Variants in NAV1 observed in about 807,000 individuals in gnomAD.
NAV1 encodes the protein neuron navigator 1.
In NAV1, 18 loss-of-function variants were observed where a neutral mutation model predicts 175.2. The observed-to-expected ratio is 0.10, with a 90% confidence interval of 0.07 to 0.15. NAV1 has a LOEUF of 0.15. Ranked by LOEUF, NAV1 falls within the 10% of genes least tolerant of loss-of-function variation. NAV1 has a pLI of 1.00. For missense variants in NAV1, 1,731 were observed against 2,436.6 expected, an observed-to-expected ratio of 0.71 and a Z score of 6.10; for synonymous variants, 897 against 978.7, an observed-to-expected ratio of 0.92 and a Z score of 1.56.
intron 3 of NAV1, among the ~76,000 whole-genome samples, chr1:201,734,585 A>G (rs1388541570): frequency 6.6e-6 from 1 of 151,794 alleles, no homozygotes; most frequent in African/African-American, 2.4e-5. Context: ...TGTGTTTCCC[A>G]GAGATTTGGG....
At chr1:201,692,563 C>T (rs1255934475) in intron 1 of NAV1, among the ~76,000 whole-genome samples, 1 of 152,150 alleles carries the variant, frequency 6.6e-6, no homozygotes, top group East Asian at 1.9e-4. Flanking sequence ...CCATTAAAAG[C>T]ATTTATGGTG....
chr1:201,735,937 C>T (rs1673097674), intron 3 of NAV1, among the ~76,000 whole-genome samples: 1 of 152,132 alleles, frequency 6.6e-6, no homozygotes, highest in African/African-American at 2.4e-5. Flanking sequence ...AGTCCCTCTC[C>T]CAATTCCTTT....
At chr1:201,599,509 T>A (rs72739958) in intron 2 of NAV1, among the ~76,000 whole-genome samples, 398 of 152,282 alleles carry the variant, frequency 2.6e-3, no homozygotes, top group Non-Finnish European at 4.6e-3. Flanking sequence ...TTTCATGAGG[T>A]CCTGACCCAC....
At chr1:201,708,643 T>G (rs1381162630) in intron 1 of NAV1, among the ~76,000 whole-genome samples, 2 of 152,170 alleles carry the variant, frequency 1.3e-5, no homozygotes, top group African/African-American at 4.8e-5. Flanking sequence ...TACCTTGTTC[T>G]AATTTGCACA....
intron 3 of NAV1, among the ~76,000 whole-genome samples, chr1:201,751,230 C>T (rs368326446): frequency 2.3e-4 from 35 of 152,150 alleles, no homozygotes; most frequent in African/African-American, 8.2e-4. Context: ...GGCATCTTGA[C>T]GAAAGCATGT....
At chr1:201,544,127 G>A (rs903138905) in intron 1 of NAV1, among the ~76,000 whole-genome samples, 3 of 152,144 alleles carry the variant, frequency 2.0e-5, no homozygotes, top group Non-Finnish European at 2.9e-5. Flanking sequence ...AGCACCACCT[G>A]GGGAGCTTTT....
chr1:201,818,347 T>C (rs1679190073), intron 29 of NAV1, among the ~76,000 whole-genome samples: 1 of 151,728 alleles, frequency 6.6e-6, no homozygotes. Context: ...GCCAACATGG[T>C]GAAACCCCGT....
chr1:201,629,751 C>T (rs112267223), intron 2 of NAV1, among the ~76,000 whole-genome samples: 148 of 152,290 alleles, frequency 9.7e-4, no homozygotes, highest in African/African-American at 3.4e-3. Flanking sequence ...ATGGGAGTCA[C>T]TGCATGTGTG....
exon 1 of NAV1, chr1:201,648,299 C>G: frequency 2.7e-6 from 3 of 1,115,740 alleles, no homozygotes; most frequent in Non-Finnish European, 3.3e-6. Context: ...GACACCAAAG[C>G]AAAAGCACCG....
rs1263906627 is a variant in NAV1 at position 201,684,500 on chromosome 1, G to A, written c.758-28317G>A. ...CTTTTTTTTTTTTTTTTTAGACAGAGTCTCACTCTTGTCGCCCAGGCTGGA... is the reference window on the plus strand; with the variant it reads ...CTTTTTTTTTTTTTTTTTAGACAGAATCTCACTCTTGTCGCCCAGGCTGGA... On this transcript the variant is annotated intron_variant, in intron 1 of 29. Coordinates refer to ENST00000367296, the Ensembl canonical transcript of NAV1. 2.3e-5 allele frequency among the ~76,000 whole-genome samples: 3 copies of A among 129,230 alleles called. No individual in the cohort carries two copies. In the East Asian group the frequency reaches 7.3e-4, roughly 31 times the overall value. The allele number at this position is 129,230 out of a possible 152,430, so 84.8% of individuals were successfully genotyped here. A position where few individuals can be genotyped will look rare whatever the true frequency, so the allele number is the denominator to read the frequency against.
At chr1:201,580,845 G>A (rs1316564343) in intron 1 of NAV1, among the ~76,000 whole-genome samples, 1 of 152,146 alleles carries the variant, frequency 6.6e-6, no homozygotes, top group African/African-American at 2.4e-5. Flanking sequence ...ACTTGGGATG[G>A]GGTTGGGGGA....
Position 201,713,896 on chromosome 1 carries a change from C to G in NAV1, c.860+977C>G, listed in dbSNP as rs189231158. 4.3e-3 allele frequency among the ~76,000 whole-genome samples: 659 copies of G among 152,312 alleles called. 6 individuals carry two copies. The highest frequency in any genetic ancestry group is 0.014 in the African/African-American group (597 of 41,568). ...GGGATTCTGAGGATGGGACCACACC[C>G]ATGGACATATTTACATACCACCAAT... On this transcript the variant is annotated intron_variant, in intron 2 of 29. Transcript: ENST00000367296.
At chr1:201,620,815 G>A (rs1017594222), upstream of NAV1, among the ~76,000 whole-genome samples, 6 of 152,120 alleles carry the variant, frequency 3.9e-5, no homozygotes, top group Admixed American at 2.0e-4. Flanking sequence ...AATTTTCTGC[G>A]ATATAGTACA....
chr1:201,742,606 C>T (rs557351515), intron 3 of NAV1, among the ~76,000 whole-genome samples: 3 of 152,262 alleles, frequency 2.0e-5, no homozygotes, highest in Non-Finnish European at 2.9e-5. Flanking sequence ...CCATTCAGCA[C>T]TCCTAGACTC....
In NAV1 at chr1:201,808,421, C is replaced by T. The variant is rs759280595; in HGVS notation, c.3849C>T (p.Gly1283=). Reference sequence around the variant, plus strand: ...CTTGACTCTTGCTATCTTACAGGGGCCCTGCTCACCCAGCCCCCCACACTA... The same window carrying T: ...CTTGACTCTTGCTATCTTACAGGGGTCCTGCTCACCCAGCCCCCCACACTA... The change falls in exon 19 of 30, where the codon GGC becomes GGT. Residue 1283 remains glycine, a synonymous_variant. Transcript: ENST00000367296. The surrounding 1 kb of genome is among the most constrained non-coding windows in gnomAD (Gnocchi z 5.5). 3.1e-6 allele frequency: 5 copies of T among 1,610,290 alleles called. No individual in the cohort carries two copies. The highest frequency in any genetic ancestry group is 1.1e-5 in the South Asian group (1 of 90,562).
intron 2 of NAV1, among the ~76,000 whole-genome samples, chr1:201,616,926 A>G (rs991369005): frequency 1.3e-5 from 2 of 152,218 alleles, no homozygotes; most frequent in African/African-American, 4.8e-5. Flanking sequence ...AGCACCTGGT[A>G]CATGGAAGGT....
chr1:201,582,946 T>A (rs1054934859), intron 1 of NAV1, among the ~76,000 whole-genome samples: 1 of 152,250 alleles, frequency 6.6e-6, no homozygotes, highest in African/African-American at 2.4e-5. Context: ...TGATCTTAAC[T>A]GTCATCCTTG....
At chr1:201,573,671 T>C (rs926523472) in intron 1 of NAV1, among the ~76,000 whole-genome samples, 1 of 152,180 alleles carries the variant, frequency 6.6e-6, no homozygotes, top group African/African-American at 2.4e-5. Context: ...AGAGAGCTAA[T>C]ACATGAAAAA....
rs960813268 is a variant in NAV1 at position 201,667,650 on chromosome 1, G to C, written c.757+18225G>C. Among the ~76,000 whole-genome samples, 4 of 152,238 alleles carry C rather than the reference G, an allele frequency of 2.6e-5. No individual in the cohort carries two copies. In the South Asian group the frequency reaches 8.3e-4, roughly 31 times the overall value. ...AGTAGCACCTCAGCAAACAGCTGCT[G>C]TTGGCCTGACCCATGAATTTTTAAA... On this transcript the variant is annotated intron_variant, in intron 1 of 29. Transcript: ENST00000367296.
Sources: gnomAD v4.1 joint callset for allele counts (sites outside exome capture counted in the v4.1 genomes callset) on GRCh38, gnomAD v4.1.1 for gene constraint, Gnocchi (gnomAD v3.1) non-coding constraint, MANE v1.5 for transcripts, NCBI Gene and HGNC (gene_info 2026-07-23, HGNC 2026-07-21) for gene names.